Variants in ZMYM1 observed in about 807,000 individuals in gnomAD.
The protein encoded by ZMYM1 is zinc finger MYM-type containing 1.
Under a neutral mutation model 60.0 loss-of-function variants are expected in ZMYM1, and 39 were observed. The ratio of observed to expected loss-of-function variants is 0.65; its 90% CI spans 0.50 to 0.85. ZMYM1 has a LOEUF of 0.85. Ranked by LOEUF, ZMYM1 falls within the 40% of genes least tolerant of loss-of-function variation. The pLI, the probability that ZMYM1 is intolerant of heterozygous loss-of-function variation, is 0.00. For missense variants in ZMYM1, 1,171 were observed against 1,309.5 expected (o/e 0.89, Z 1.63); for synonymous variants, 413 against 454.0 (o/e 0.91, Z 1.15).
intron 4 of ZMYM1, among the ~76,000 whole-genome samples, chr1:35,101,109 C>CTTT (rs34048407): frequency 3.2e-4 from 41 of 129,068 alleles, no homozygotes; most frequent in African/African-American, 8.5e-4. Flanking sequence ...AGCCAACATT[C>CTTT]TTTTTTTTTT....
At chr1:35,088,956 C>G (rs915682091) in intron 1 of ZMYM1, among the ~76,000 whole-genome samples, 1 of 151,672 alleles carries the variant, frequency 6.6e-6, no homozygotes, top group Non-Finnish European at 1.5e-5. Context: ...GGATTACAGG[C>G]GCCCACCACC....
intron 1 of ZMYM1, among the ~76,000 whole-genome samples, chr1:35,090,556 C>T (rs1044403563): frequency 1.3e-5 from 2 of 152,232 alleles, no homozygotes; most frequent in African/African-American, 4.8e-5. Flanking sequence ...ACCTTGCTTT[C>T]GTAGTTCCTC....
intron 1 of ZMYM1, among the ~76,000 whole-genome samples, chr1:35,088,460 G>A (rs77347909): frequency 0.34 from 20,602 of 61,178 alleles, 2,029 homozygotes; most frequent in Non-Finnish European, 0.46. Context: ...ATATATGTGT[G>A]TGTGTGTGTG....
intron 1 of ZMYM1, among the ~76,000 whole-genome samples, chr1:35,072,094 A>T (rs1009838378): frequency 1.5e-4 from 23 of 152,220 alleles, no homozygotes; most frequent in Non-Finnish European, 3.1e-4. Flanking sequence ...AGATCACGCC[A>T]TTGCATTCCA....
rs116642570 is a variant in ZMYM1, at chr1:35,103,194, C to G, written c.420-1101C>G. ...AATGTTGTGTGACCATCCCCTCTAT[C>G]TTGTTCCAAAACATTTCCATCACTT... On this transcript the variant is annotated intron_variant, in intron 4 of 9. Coordinates refer to ENST00000359858, the MANE Select transcript of ZMYM1 (RefSeq NM_024772.5). Among the ~76,000 whole-genome samples the G allele has an allele frequency of 5.6e-3, 846 of 152,292 alleles. 9 individuals carry two copies. The highest frequency in any genetic ancestry group is 0.019 in the African/African-American group (801 of 41,576).
chr1:35,079,277 TC>T (rs1416830661), upstream of ZMYM1: 4 of 152,200 alleles, frequency 2.6e-5, no homozygotes, highest in African/African-American at 4.8e-5. Context: ...ACTTCTTCTA[TC>T]CCAAAGTCGC....
chr1:35,061,845 T>C (rs1333382924), intron 1 of ZMYM1, among the ~76,000 whole-genome samples: 1 of 151,176 alleles, frequency 6.6e-6, no homozygotes, highest in Non-Finnish European at 1.5e-5. Context: ...TATTTATTTA[T>C]TTGAGATGGA....
chr1:35,076,818 G>C (rs546527982), upstream of ZMYM1, among the ~76,000 whole-genome samples: 1 of 151,552 alleles, frequency 6.6e-6, no homozygotes, highest in South Asian at 2.1e-4. Flanking sequence ...GGTAGTCCCA[G>C]CTACTTGAGA....
Position 35,115,189 on chromosome 1 carries a change from A to G in ZMYM1, c.3359A>G (p.Asn1120Ser). The G allele has an allele frequency of 1.2e-6, 2 of 1,612,880 alleles. No individual in the cohort carries two copies. The highest frequency in any genetic ancestry group is 2.2e-5 in the South Asian group (2 of 90,704). ...ATGGCTGTTGAGCAGGAGTTGGTAA[A>G]TAAACTAATGGAGCCTGAAAGACTC... ...ALMAVEQELV[N>S]KLMEPERLNE... Residue 1120 changes from asparagine to serine, a missense_variant, in exon 10 of 10, where the codon AAT becomes AGT. Coordinates refer to ENST00000359858, the MANE Select transcript of ZMYM1 (RefSeq NM_024772.5).
rs755636348 is a variant in ZMYM1 at position 35,091,731 on chromosome 1, C to CA, written c.-74-2168dup. Reference sequence around the variant, plus strand: ...GCAACATAGGGAAACACCTTCTCTACAAAAAAAAAAAAAAATTACCTGGGC... The same window carrying CA: ...GCAACATAGGGAAACACCTTCTCTACAAAAAAAAAAAAAAAATTACCTGGGC... On this transcript the variant is annotated intron_variant, in intron 1 of 9. Transcript: ENST00000359858. Among the ~76,000 whole-genome samples, 524 of 107,894 alleles carry CA rather than the reference C, an allele frequency of 4.9e-3. 2 individuals carry two copies. Among genetic ancestry groups the CA allele is most frequent in the Non-Finnish European group, 6.3e-3 (319 of 50,724 alleles). 70.8% of individuals were successfully genotyped at this position (107,894 alleles called of 152,430 possible). A position where few individuals can be genotyped will look rare whatever the true frequency, so the allele number is the denominator to read the frequency against.
Position 35,094,015 on chromosome 1 carries a change from T to A in ZMYM1, c.28T>A (p.Cys10Ser). Residue 10 changes from cysteine to serine, a missense_variant, in exon 2 of 10, where the codon TGT becomes AGT. Coordinates refer to ENST00000359858, the MANE Select transcript of ZMYM1 (RefSeq NM_024772.5). The stretch of plus-strand genomic sequence containing the variant: ...GAAAGAACCACTTTTAGGTGGTGAG[T>A]GTGACAAGGCAGTGGCATCACAGCT... The part of the protein sequence containing the change: MKEPLLGGE[C>S]DKAVASQLGL... 1 of 1,609,830 alleles carries A rather than the reference T, an allele frequency of 6.2e-7. No homozygotes were observed. Among genetic ancestry groups the A allele is most frequent in the South Asian group, 1.1e-5 (1 of 90,528 alleles).
intron 1 of ZMYM1, among the ~76,000 whole-genome samples, chr1:35,064,304 A>AAAAAAAAAAC (rs762854757): frequency 6.7e-6 from 1 of 149,152 alleles, no homozygotes; most frequent in South Asian, 2.1e-4. Context: ...AAAAAAAAAA[A>AAAAAAAAAAC]AAAAAAAAAC....
At position 35,113,320 on chromosome 1, in the gene ZMYM1, C is replaced by A. The variant is rs370067841; in HGVS notation, c.1490C>A (p.Thr497Asn). The change falls in exon 10 of 10, where the codon ACC becomes AAC. Residue 497 changes from threonine (T) to asparagine (N), a missense_variant. Coordinates refer to ENST00000359858, the MANE Select transcript of ZMYM1 (RefSeq NM_024772.5). The part of the protein sequence containing the change: ...YFSCGRESFA[T>N]HGTSNWKKTL... ...AGCTGTGGAAGAGAGTCATTTGCAA[C>A]CCACGGAACTTCTAATTGGAAAAAA... The A allele has an allele frequency of 2.5e-6, 4 of 1,612,760 alleles. No homozygotes were observed. The highest frequency in any genetic ancestry group is 3.4e-6 in the Non-Finnish European group (4 of 1,179,368).
Position 35,115,318 on chromosome 1 carries a change from CA to C in ZMYM1, c.*63del. On this transcript the variant is annotated 3_prime_UTR_variant, in exon 10 of 10. Coordinates refer to ENST00000359858, the MANE Select transcript of ZMYM1 (RefSeq NM_024772.5). ...TATTTCCATTGGGATGTTTTCATTT[CA>C]AAATTGTTCAAAATTCAAAAGACAC... 6.8e-7 allele frequency: 1 copy of C among 1,471,158 alleles called. No homozygotes were observed. The highest frequency in any genetic ancestry group is 9.0e-7 in the Non-Finnish European group (1 of 1,114,098). 91.1% of individuals were successfully genotyped at this position (1,471,158 alleles called of 1,614,324 possible). A position where few individuals can be genotyped will look rare whatever the true frequency, so the allele number is the denominator to read the frequency against.
chr1:35,106,962 G>T (rs1055053413), intron 6 of ZMYM1, among the ~76,000 whole-genome samples: 1 of 151,570 alleles, frequency 6.6e-6, no homozygotes, highest in Non-Finnish European at 1.5e-5. Context: ...CGCCATTCTC[G>T]TATCTCAGCC....
At chr1:35,117,699 G>A (rs1364545864), downstream of ZMYM1, among the ~76,000 whole-genome samples, 5 of 152,120 alleles carry the variant, frequency 3.3e-5, no homozygotes, top group Non-Finnish European at 5.9e-5. Flanking sequence ...ACAGTACTTT[G>A]GGAGGCCGAG....
rs1644232758 is a variant in ZMYM1, at chr1:35,115,315, T to C, written c.*56T>C. 2.0e-6 allele frequency: 3 copies of C among 1,488,828 alleles called. No homozygotes were observed. The South Asian group carries it at 4.2e-5, about 21-fold the overall frequency. The allele number at this position is 1,488,828 out of a possible 1,614,324, so 92.2% of individuals were successfully genotyped here. A position where few individuals can be genotyped will look rare whatever the true frequency, so the allele number is the denominator to read the frequency against. ...TTGTATTTCCATTGGGATGTTTTCATTTCAAAATTGTTCAAAATTCAAAAG... is the reference window on the plus strand; with the variant it reads ...TTGTATTTCCATTGGGATGTTTTCACTTCAAAATTGTTCAAAATTCAAAAG... On this transcript the variant is annotated 3_prime_UTR_variant, in exon 10 of 10. Coordinates refer to ENST00000359858, the MANE Select transcript of ZMYM1 (RefSeq NM_024772.5).
intron 1 of ZMYM1, among the ~76,000 whole-genome samples, chr1:35,071,190 T>C (rs1369205893): frequency 6.6e-6 from 1 of 151,588 alleles, no homozygotes; most frequent in Non-Finnish European, 1.5e-5. Flanking sequence ...CCCAGCCTTC[T>C]ATTTGTTAAT....
Position 35,110,394 on chromosome 1 carries a change from G to C in ZMYM1, c.908G>C (p.Cys303Ser). The C allele has an allele frequency of 6.3e-7, 1 of 1,587,542 alleles. No individual in the cohort carries two copies. The highest frequency in any genetic ancestry group is 8.6e-7 in the Non-Finnish European group (1 of 1,168,426). The change falls in exon 7 of 10, where the codon TGC becomes TCC. Residue 303 changes from cysteine to serine, a missense_variant. By Grantham distance (112) the Cys-to-Ser change is moderately radical. Coordinates refer to ENST00000359858, the MANE Select transcript of ZMYM1 (RefSeq NM_024772.5). ...GATTTGGGGAAGACAGAGCTTTTCT[G>C]CTCTATTAATTGTTTCTCTGCATAC... is the stretch of plus-strand genomic sequence containing the variant. ...TSDLGKTELF[C>S]SINCFSAYSK...
Sources: allele counts gnomAD v4.1 joint callset (sites outside exome capture counted in the v4.1 genomes callset), GRCh38; gene constraint gnomAD v4.1.1; transcripts MANE v1.5; gene names NCBI Gene and HGNC (gene_info 2026-07-23, HGNC 2026-07-21).